The following GNA13 variants were observed in gnomAD, a reference collection of about 807,000 sequenced individuals.
The protein encoded by GNA13 is guanine nucleotide-binding protein subunit alpha-13.
Under a neutral mutation model 33.5 loss-of-function variants are expected in GNA13, and 4 were observed. The ratio of observed to expected loss-of-function variants is 0.12; its 90% CI spans 0.06 to 0.27. The LOEUF (loss-of-function observed/expected upper bound fraction) is 0.27, where lower values mean the gene tolerates loss of function less well. Among genes scored for constraint, GNA13 ranks in the 10% least tolerant of loss-of-function variants. The pLI is 1.00. For missense variants in GNA13, 319 were observed against 487.2 expected, an observed-to-expected ratio of 0.65 and a Z score of 3.25; for synonymous variants, 176 against 183.8, an observed-to-expected ratio of 0.96 and a Z score of 0.34.
chr17:65,049,761 T>C (rs1342506283), intron 2 of GNA13, among the ~76,000 whole-genome samples: 1 of 152,156 alleles, frequency 6.6e-6, no homozygotes, highest in Non-Finnish European at 1.5e-5. Context: ...AAAACACAGA[T>C]CACTGGGTCC....
In GNA13 at chr17:65,056,573, C is replaced by A; in HGVS notation, c.21G>T (p.Ser7=). The A allele has an allele frequency of 6.2e-7, 1 of 1,606,680 alleles. No individual in the cohort carries two copies. The change falls in exon 1 of 4, where the codon TCG becomes TCT. Residue 7 remains serine (S), a synonymous_variant. Transcript: ENST00000439174. Reference sequence around the variant, plus strand: ...GGAAGCACACGGACAGCACGGACCGCGACGGCAGGAAGTCCGCCATCTTGC... The same window carrying A: ...GGAAGCACACGGACAGCACGGACCGAGACGGCAGGAAGTCCGCCATCTTGC... MADFLP[S]RSVLSVCFPG... is the part of the protein sequence containing the mutation.
chr17:65,035,133 G>C (rs774645827), intron 2 of GNA13, among the ~76,000 whole-genome samples: 2 of 152,190 alleles, frequency 1.3e-5, no homozygotes, highest in Non-Finnish European at 2.9e-5. Context: ...ATACTGCAGA[G>C]ATGGGTCAGC....
Position 65,012,067 on chromosome 17 carries a change from C to G in GNA13, c.*2190G>C, listed in dbSNP as rs1207048254. 8.8e-6 allele frequency: 2 copies of G among 228,480 alleles called. No homozygotes were observed. The highest frequency in any genetic ancestry group is 1.3e-4 in the East Asian group (2 of 15,902). The allele number at this position is 228,480 out of a possible 1,614,324, so 14.2% of individuals were successfully genotyped here. A position where few individuals can be genotyped will look rare whatever the true frequency, so the allele number is the denominator to read the frequency against. The stretch of plus-strand genomic sequence containing the variant: ...GTTGATTCTGAGACATTACATGCAG[C>G]AGGGAAGAAAACTGCAAATGCCCAA... On this transcript the variant is annotated 3_prime_UTR_variant, in exon 4 of 4. Coordinates refer to ENST00000439174, the MANE Select transcript of GNA13 (RefSeq NM_006572.6).
At chr17:65,031,889 AG>A in intron 2 of GNA13, among the ~76,000 whole-genome samples, 1 of 93,476 alleles carries the variant, frequency 1.1e-5, no homozygotes, top group African/African-American at 3.6e-5. Context: ...AGAGAGAGAG[AG>A]AGAGAAAGAG....
intron 2 of GNA13, among the ~76,000 whole-genome samples, chr17:65,046,167 TGATCATGAATGTG>T: frequency 6.6e-6 from 1 of 152,328 alleles, no homozygotes; most frequent in East Asian, 1.9e-4. Context: ...TAGCACTATA[TGATCATGAATGTG>T]ATAGGGATTT....
chr17:65,012,017 A>C lies in GNA13; in HGVS notation c.*2240T>G, dbSNP rs1228647699. The stretch of plus-strand genomic sequence containing the variant: ...GAATATAAGTAATTCATTGCCTCAA[A>C]ATATAGTCTAGATTTTAAAAGAATG... On this transcript the variant is annotated 3_prime_UTR_variant, in exon 4 of 4. Coordinates refer to ENST00000439174, the MANE Select transcript of GNA13 (RefSeq NM_006572.6). 4.4e-6 allele frequency: 1 copy of C among 228,072 alleles called. No individual in the cohort carries two copies. The highest frequency in any genetic ancestry group is 8.7e-6 in the Non-Finnish European group (1 of 114,888). 14.1% of individuals were successfully genotyped at this position (228,072 alleles called of 1,614,324 possible). A position where few individuals can be genotyped will look rare whatever the true frequency, so the allele number is the denominator to read the frequency against.
chr17:65,034,356 C>G (rs994247057), intron 2 of GNA13, among the ~76,000 whole-genome samples: 7 of 151,656 alleles, frequency 4.6e-5, no homozygotes, highest in African/African-American at 1.7e-4. Context: ...GCCTTATCAC[C>G]AAAATAATTT....
chr17:65,017,369 T>C lies in GNA13; in HGVS notation c.561+884A>G, dbSNP rs184899381. On this transcript the variant is annotated intron_variant, in intron 3 of 3. Transcript: ENST00000439174. ...TGCTAAATAGTCTGGCAGAGCAGAG[T>C]ATGTTGATGAGGACACACACATACT... Among the ~76,000 whole-genome samples the C allele has an allele frequency of 5.3e-5, 8 of 151,914 alleles. No homozygotes were observed. In the East Asian group the frequency reaches 1.5e-3, roughly 29 times the overall value.
At chr17:65,044,253 G>A (rs567423786) in intron 2 of GNA13, among the ~76,000 whole-genome samples, 1 of 152,310 alleles carries the variant, frequency 6.6e-6, no homozygotes, top group South Asian at 2.1e-4. Flanking sequence ...GTGCACTAAA[G>A]TTCAGTTCTC....
intron 2 of GNA13, among the ~76,000 whole-genome samples, chr17:65,041,257 T>C (rs1176906861): frequency 6.6e-6 from 1 of 152,194 alleles, no homozygotes; most frequent in Admixed American, 6.6e-5. Flanking sequence ...ATTTACAAGC[T>C]AAATATAGCT....
At chr17:65,054,602 C>T (rs1907971627) in intron 1 of GNA13, among the ~76,000 whole-genome samples, 3 of 152,166 alleles carry the variant, frequency 2.0e-5, no homozygotes, top group Non-Finnish European at 4.4e-5. Context: ...TGAGCCACCA[C>T]GCCCAGCCTG....
rs556157448 is a variant in GNA13 at position 65,041,304 on chromosome 17, T to A, written c.510+12198A>T. On this transcript the variant is annotated intron_variant, in intron 2 of 3. Transcript: ENST00000439174. ...AAGAACCCAATGACATTGTTTTATGTTTTTTGGGGAGAGTGAGGTGGTATA... is the reference window on the plus strand; with the variant it reads ...AAGAACCCAATGACATTGTTTTATGATTTTTGGGGAGAGTGAGGTGGTATA... 7.9e-5 allele frequency among the ~76,000 whole-genome samples: 12 copies of A among 152,280 alleles called. No individual in the cohort carries two copies. In the South Asian group the frequency reaches 2.5e-3, roughly 32 times the overall value.
At chr17:65,052,789 G>A (rs2143832145) in intron 2 of GNA13, among the ~76,000 whole-genome samples, 1 of 152,354 alleles carries the variant, frequency 6.6e-6, no homozygotes, top group South Asian at 2.1e-4. Flanking sequence ...AGCAATTTGG[G>A]AGGTCAAAGT....
At chr17:65,035,156 T>C (rs1483480659) in intron 2 of GNA13, among the ~76,000 whole-genome samples, 2 of 152,236 alleles carry the variant, frequency 1.3e-5, no homozygotes, top group South Asian at 2.1e-4. Context: ...TGACATCATA[T>C]ATATTGCTGA....
At chr17:65,045,093 T>C (rs1228721164) in intron 2 of GNA13, among the ~76,000 whole-genome samples, 1 of 151,514 alleles carries the variant, frequency 6.6e-6, no homozygotes. Flanking sequence ...GGTGTCCCCT[T>C]CTCTAAAACA....
At chr17:65,032,919 C>T (rs1164646715) in intron 2 of GNA13, among the ~76,000 whole-genome samples, 4 of 151,914 alleles carry the variant, frequency 2.6e-5, no homozygotes, top group African/African-American at 7.3e-5. Context: ...TACACTAGCC[C>T]GGCCAACTTG....
At chr17:65,042,728 C>T (rs1247469203) in intron 2 of GNA13, among the ~76,000 whole-genome samples, 1 of 152,080 alleles carries the variant, frequency 6.6e-6, no homozygotes, top group Non-Finnish European at 1.5e-5. Context: ...CAGAGCGAGA[C>T]TCCATCTCAA....
intron 2 of GNA13, among the ~76,000 whole-genome samples, chr17:65,031,098 A>G (rs980494400): frequency 1.3e-5 from 2 of 152,204 alleles, no homozygotes; most frequent in African/African-American, 2.4e-5. Flanking sequence ...TGCTATAAAG[A>G]GCAGAACATC....
chr17:65,039,077 T>C (rs1907365247), intron 2 of GNA13, among the ~76,000 whole-genome samples: 1 of 152,172 alleles, frequency 6.6e-6, no homozygotes, highest in South Asian at 2.1e-4. Context: ...TCTCCCATGA[T>C]CCTGTGATTT....
Sources: allele counts gnomAD v4.1 joint callset (sites outside exome capture counted in the v4.1 genomes callset), GRCh38; gene constraint gnomAD v4.1.1; transcripts MANE v1.5; gene names NCBI Gene and HGNC (gene_info 2026-07-23, HGNC 2026-07-21).